TNR: variants seen among roughly 807,000 people sequenced by gnomAD.
TNR encodes the protein tenascin R, also known as tenascin-R.
Under a neutral mutation model 150.4 loss-of-function variants are expected in TNR, and 45 were observed. The ratio of observed to expected loss-of-function variants is 0.30; its 90% CI spans 0.24 to 0.38. TNR has a LOEUF of 0.38. Among genes scored for constraint, TNR ranks in the 10% least tolerant of loss-of-function variants. The probability of loss-of-function intolerance (pLI) is 1.00; values close to 1 mark genes in which losing one functional copy is unlikely to be tolerated. For missense variants in TNR, 1,544 were observed against 1,759.1 expected (o/e 0.88, Z 2.19); for synonymous variants, 687 against 678.4 (o/e 1.01, Z -0.20).
At chr1:175,398,381 A>T (rs1433066797) in intron 4 of TNR, among the ~76,000 whole-genome samples, 2 of 152,386 alleles carry the variant, frequency 1.3e-5, no homozygotes, top group Admixed American at 1.3e-4. Context: ...AAACTCAAGA[A>T]GTGTAAACGA....
intron 5 of TNR, among the ~76,000 whole-genome samples, 193 bp from the exon 6 acceptor site, chr1:175,394,088 A>T (rs539895194): frequency 3.6e-4 from 55 of 152,372 alleles, no homozygotes; most frequent in African/African-American, 1.2e-3. Context: ...CTAGTGCTCG[A>T]TGTTGATGGA....
intron 1 of TNR, among the ~76,000 whole-genome samples, chr1:175,614,509 T>A (rs1369413971): frequency 6.6e-6 from 1 of 152,224 alleles, no homozygotes; most frequent in African/African-American, 2.4e-5. Flanking sequence ...AATGTCTGAC[T>A]TTTTCCACTT....
chr1:175,667,816 A>G (rs534165799), intron 1 of TNR, among the ~76,000 whole-genome samples: 2 of 152,264 alleles, frequency 1.3e-5, no homozygotes, highest in Non-Finnish European at 2.9e-5. Flanking sequence ...CTTTTCTTGT[A>G]TGTTGCAAAA....
intron 2 of TNR, among the ~76,000 whole-genome samples, chr1:175,490,964 T>G (rs779726858): frequency 5.9e-5 from 9 of 152,128 alleles, no homozygotes; most frequent in Non-Finnish European, 1.3e-4. Flanking sequence ...GACATATAAT[T>G]AACCTAAATG....
chr1:175,686,450 C>A (rs1409402048), intron 1 of TNR, among the ~76,000 whole-genome samples: 15 of 151,958 alleles, frequency 9.9e-5, no homozygotes, highest in African/African-American at 3.6e-4. Flanking sequence ...TCTTAGTTTG[C>A]AAAACTCATT....
intron 1 of TNR, among the ~76,000 whole-genome samples, chr1:175,714,577 G>A (rs1028607664): frequency 6.6e-6 from 1 of 152,116 alleles, no homozygotes; most frequent in Admixed American, 6.5e-5. Flanking sequence ...GCCCTGCCAG[G>A]CCCAGCTAAT....
chr1:175,550,505 C>G (rs772154592), intron 1 of TNR, among the ~76,000 whole-genome samples: 1 of 151,984 alleles, frequency 6.6e-6, no homozygotes, highest in African/African-American at 2.4e-5. Context: ...CCTCACCCCC[C>G]ATCCTTTTCC....
In TNR at chr1:175,365,962, G is replaced by A. The variant is rs374910885; in HGVS notation, c.2230C>T (p.Leu744=). 55 of 1,614,166 alleles carry A rather than the reference G, an allele frequency of 3.4e-5. 1 individual carries two copies. The African/African-American group carries it at 4.4e-4, about 13-fold the overall frequency. Reference sequence around the variant, plus strand: ...ATGATGTACTCTGCCCCAGGCTCTAGATCTGTTAGTGTGTATGAGGTCCTG... The same window carrying A: ...ATGATGTACTCTGCCCCAGGCTCTAAATCTGTTAGTGTGTATGAGGTCCTG... The part of the protein sequence containing the change: ...KDRTSYTLTD[L]EPGAEYIISV... Residue 744 remains leucine (L), a synonymous_variant, in exon 11 of 23, where the codon CTA becomes TTA. Transcript: ENST00000367674.
At chr1:175,502,986 GAC>G (rs1658799832) in intron 2 of TNR, among the ~76,000 whole-genome samples, 1 of 147,794 alleles carries the variant, frequency 6.8e-6, no homozygotes, top group South Asian at 2.1e-4. Context: ...TTGAGTGCCT[GAC>G]ACAGGATCTT....
intron 1 of TNR, among the ~76,000 whole-genome samples, chr1:175,597,707 G>A (rs1463574070): frequency 1.3e-5 from 2 of 152,142 alleles, no homozygotes; most frequent in African/African-American, 4.8e-5. Context: ...AAATGTGGGG[G>A]CATGGGGGCC....
intron 18 of TNR, among the ~76,000 whole-genome samples, chr1:175,340,880 T>C (rs1036512423): frequency 6.6e-6 from 1 of 152,042 alleles, no homozygotes; most frequent in African/African-American, 2.4e-5. Context: ...CCCCCTTTCC[T>C]CCTCTTTCCC....
At chr1:175,630,358 T>C (rs1384902181) in intron 1 of TNR, among the ~76,000 whole-genome samples, 1 of 152,216 alleles carries the variant, frequency 6.6e-6, no homozygotes. Flanking sequence ...CATGGTTCAT[T>C]GAGTGTGTGT....
rs140467054 is a variant in TNR at position 175,638,251 on chromosome 1, A to G, written c.-165+104975T>C. Among the ~76,000 whole-genome samples, 65 of 152,340 alleles carry G rather than the reference A, an allele frequency of 4.3e-4. No individual in the cohort carries two copies. The East Asian group carries it at 0.01, about 24-fold the overall frequency. On this transcript the variant is annotated intron_variant, in intron 1 of 22. Coordinates refer to ENST00000367674, the MANE Select transcript of TNR (RefSeq NM_003285.3). ...ATGCCTTACAACTCTGCTCTTGTTC[A>G]ACTGGTCAAGAGAACAAATTACAAA...
intron 1 of TNR, among the ~76,000 whole-genome samples, chr1:175,580,340 T>C (rs1358973054): frequency 1.3e-5 from 2 of 152,184 alleles, no homozygotes; most frequent in African/African-American, 4.8e-5. Flanking sequence ...AAATACCATT[T>C]AAATAAATGA....
intron 1 of TNR, among the ~76,000 whole-genome samples, chr1:175,566,852 T>A (rs563118338): frequency 1.3e-5 from 2 of 152,248 alleles, no homozygotes; most frequent in Non-Finnish European, 2.9e-5. Flanking sequence ...ATAATTCTTA[T>A]AACTTTAGTC....
chr1:175,550,852 A>T (rs1296276464), intron 1 of TNR, among the ~76,000 whole-genome samples: 1 of 152,172 alleles, frequency 6.6e-6, no homozygotes, highest in East Asian at 1.9e-4. Flanking sequence ...AAAGGGACAC[A>T]TTCAGAAAAC....
At chr1:175,497,547 G>A (rs1362386096) in intron 2 of TNR, among the ~76,000 whole-genome samples, 3 of 152,154 alleles carry the variant, frequency 2.0e-5, no homozygotes, top group Admixed American at 6.5e-5. Flanking sequence ...TGTGTTTCAC[G>A]GGGCTTCTGA....
chr1:175,667,608 G>A (rs761480881), intron 1 of TNR, among the ~76,000 whole-genome samples: 1 of 152,124 alleles, frequency 6.6e-6, no homozygotes, highest in Non-Finnish European at 1.5e-5. Context: ...TACCAAGAAG[G>A]CACACCTAAC....
chr1:175,362,599 C>T (rs1432241646), intron 14 of TNR, 64 bp downstream of exon 14: 42 of 1,579,110 alleles, frequency 2.7e-5, no homozygotes, highest in South Asian at 1.3e-4. Flanking sequence ...TCTACAAGCC[C>T]GAACAACTTC....
Sources: gnomAD v4.1 joint callset for allele counts (sites outside exome capture counted in the v4.1 genomes callset) on GRCh38, gnomAD v4.1.1 for gene constraint, MANE v1.5 for transcripts, NCBI Gene and HGNC (gene_info 2026-07-23, HGNC 2026-07-21) for gene names.